Variants in CPPED1 observed in about 807,000 individuals in gnomAD.
CPPED1 encodes serine/threonine-protein phosphatase CPPED1.
Under a neutral mutation model 28.0 loss-of-function variants are expected in CPPED1, and 28 were observed. The ratio of observed to expected loss-of-function variants is 1.00; its 90% CI spans 0.74 to 1.37. The LOEUF is 1.37. Ranked by LOEUF, CPPED1 falls within the 40% of genes most tolerant of loss-of-function variation. The pLI is 0.00. For synonymous variants in CPPED1, 198 were observed against 180.2 expected, an observed-to-expected ratio of 1.10 and a Z score of -0.79; for missense variants, 504 against 416.5, an observed-to-expected ratio of 1.21 and a Z score of -1.83.
At chr16:12,802,371 G>A (rs2080665352) in intron 1 of CPPED1, among the ~76,000 whole-genome samples, 3 of 152,176 alleles carry the variant, frequency 2.0e-5, no homozygotes, top group African/African-American at 7.2e-5. Context: ...GGAGGCTGAG[G>A]ACGGCGGATC....
intron 2 of CPPED1, among the ~76,000 whole-genome samples, chr16:12,766,294 AAG>A (rs769793209): frequency 5.9e-5 from 8 of 135,502 alleles, no homozygotes; most frequent in Admixed American, 7.1e-5. Flanking sequence ...GAGAGAGAGA[AAG>A]AGAGAGAGAG....
intron 1 of CPPED1, among the ~76,000 whole-genome samples, chr16:12,786,944 T>A (rs898743828): frequency 2.6e-5 from 4 of 152,208 alleles, no homozygotes; most frequent in African/African-American, 7.2e-5. Flanking sequence ...AATCCATTAC[T>A]AATTAGTATG....
chr16:12,747,368 G>A (rs1392471016), intron 2 of CPPED1, among the ~76,000 whole-genome samples: 1 of 151,902 alleles, frequency 6.6e-6, no homozygotes, highest in Non-Finnish European at 1.5e-5. Flanking sequence ...ACAGGGTGAT[G>A]CTGCAGGGAG....
At chr16:12,792,475 C>T (rs1178548403) in intron 1 of CPPED1, among the ~76,000 whole-genome samples, 1 of 152,120 alleles carries the variant, frequency 6.6e-6, no homozygotes, top group East Asian at 1.9e-4. Context: ...TAAACATCAA[C>T]AATGCTGGGG....
At chr16:12,690,383 G>T (rs1401070465) in intron 3 of CPPED1, among the ~76,000 whole-genome samples, 1 of 152,014 alleles carries the variant, frequency 6.6e-6, no homozygotes, top group African/African-American at 2.4e-5. Context: ...GCGTGGTGGG[G>T]AGCACCCATA....
intron 2 of CPPED1, among the ~76,000 whole-genome samples, chr16:12,750,377 G>T (rs926624314): frequency 6.6e-6 from 1 of 152,080 alleles, no homozygotes; most frequent in Non-Finnish European, 1.5e-5. Context: ...TCATTTGAAC[G>T]CTTAGAAGCC....
intron 2 of CPPED1, among the ~76,000 whole-genome samples, chr16:12,742,710 T>C (rs904557037): frequency 6.6e-5 from 10 of 152,160 alleles, no homozygotes; most frequent in African/African-American, 9.7e-5. Context: ...TAGCTGCTTC[T>C]CAGTTATTTT....
chr16:12,674,030 C>T (rs1224329839), intron 3 of CPPED1, among the ~76,000 whole-genome samples: 1 of 152,000 alleles, frequency 6.6e-6, no homozygotes, highest in African/African-American at 2.4e-5. Context: ...GCTTGGGCAA[C>T]AGAGCAAGAC....
At chr16:12,772,424 C>G (rs1301082666) in intron 2 of CPPED1, among the ~76,000 whole-genome samples, 2 of 152,248 alleles carry the variant, frequency 1.3e-5, no homozygotes, top group African/African-American at 4.8e-5. Flanking sequence ...GCAGCCATAT[C>G]TGCACAAATC....
chr16:12,768,867 C>CTT (rs35322378), intron 2 of CPPED1, among the ~76,000 whole-genome samples: 27,499 of 137,866 alleles, frequency 0.2, 3,440 homozygotes, highest in East Asian at 0.28. Context: ...TTTTCTTTTT[C>CTT]TTTTTTTTTT....
At chr16:12,707,530 G>A (rs1363373599) in intron 2 of CPPED1, among the ~76,000 whole-genome samples, 3 of 152,170 alleles carry the variant, frequency 2.0e-5, no homozygotes, top group African/African-American at 7.2e-5. Context: ...ACACTGGGGT[G>A]CAGAGCATCT....
chr16:12,791,981 T>C (rs1405585860), intron 1 of CPPED1, among the ~76,000 whole-genome samples: 1 of 151,866 alleles, frequency 6.6e-6, no homozygotes, highest in Non-Finnish European at 1.5e-5. Context: ...AGATGGAGTC[T>C]TGATCTGTCC....
intron 2 of CPPED1, among the ~76,000 whole-genome samples, chr16:12,768,675 A>G (rs2080452963): frequency 6.6e-6 from 1 of 152,138 alleles, no homozygotes; most frequent in African/African-American, 2.4e-5. Context: ...ATGGGAGGAA[A>G]CCAGTTTTTT....
chr16:12,691,413 T>C (rs1356711901), intron 3 of CPPED1, among the ~76,000 whole-genome samples: 1 of 152,130 alleles, frequency 6.6e-6, no homozygotes, highest in African/African-American at 2.4e-5. Context: ...GTAGCTAGGA[T>C]TGAAGGCATG....
In CPPED1 at chr16:12,747,794, CATTT is replaced by C. The variant is rs1381698217; in HGVS notation, c.289+33387_289+33390del. ...TTTCACAGGTATATACATATGTCAA[CATTT>C]ATTAAATTGCACACTTCAAACGTGT... is the stretch of plus-strand genomic sequence containing the variant. On this transcript the variant is annotated intron_variant, in intron 2 of 3. Coordinates refer to ENST00000381774, the MANE Select transcript of CPPED1 (RefSeq NM_018340.3). Among the ~76,000 whole-genome samples the C allele has an allele frequency of 6.6e-5, 10 of 152,284 alleles. No individual in the cohort carries two copies. In the South Asian group the frequency reaches 8.3e-4, roughly 13 times the overall value.
chr16:12,756,411 T>C (rs1219791001), intron 2 of CPPED1, among the ~76,000 whole-genome samples: 1 of 152,166 alleles, frequency 6.6e-6, no homozygotes, highest in Non-Finnish European at 1.5e-5. Flanking sequence ...TTAAGAACAG[T>C]GAGCCAGGTG....
intron 2 of CPPED1, among the ~76,000 whole-genome samples, chr16:12,775,209 G>A (rs745646356): frequency 1.1e-4 from 16 of 152,274 alleles, no homozygotes; most frequent in Non-Finnish European, 2.2e-4. Flanking sequence ...AGTCTGCAGA[G>A]AGAGTCCCCA....
intron 1 of CPPED1, among the ~76,000 whole-genome samples, chr16:12,798,136 C>T (rs779117412): frequency 2.0e-5 from 3 of 151,868 alleles, no homozygotes; most frequent in Admixed American, 2.0e-4. Context: ...TGAAAAACCC[C>T]GACATTCAAA....
At chr16:12,683,495 C>G (rs1041617240) in intron 3 of CPPED1, among the ~76,000 whole-genome samples, 5 of 152,158 alleles carry the variant, frequency 3.3e-5, no homozygotes, top group African/African-American at 1.2e-4. Flanking sequence ...CAATCGGTTC[C>G]TAGGCTTCGT....
Sources: gnomAD v4.1 joint callset for allele counts (sites outside exome capture counted in the v4.1 genomes callset) on GRCh38, gnomAD v4.1.1 for gene constraint, MANE v1.5 for transcripts, NCBI Gene and HGNC (gene_info 2026-07-23, HGNC 2026-07-21) for gene names.